THSD7A: variants seen among roughly 807,000 people sequenced by gnomAD.
THSD7A encodes the protein thrombospondin type 1 domain containing 7A.
A neutral mutation model predicts 231.3 loss-of-function variants in THSD7A; 96 were observed. The ratio of observed to expected loss-of-function variants is 0.41; its 90% CI spans 0.35 to 0.49. THSD7A has a LOEUF of 0.49. Among genes scored for constraint, THSD7A ranks in the 20% least tolerant of loss-of-function variants. THSD7A has a pLI of 0.05. For synonymous variants in THSD7A, 940 were observed against 743.3 expected, an observed-to-expected ratio of 1.26 and a Z score of -4.30; for missense variants, 2,290 against 2,070.2, an observed-to-expected ratio of 1.11 and a Z score of -2.06.
At position 11,370,629 on chromosome 7, in the gene THSD7A, A is replaced by G. The variant is rs1782016115; in HGVS notation, c.*5165T>C. ...TTTGTGCGTTAAAAAGGAAATGTAC[A>G]TAATGTAAAATAAATTACATTACGC... On this transcript the variant is annotated 3_prime_UTR_variant, in exon 28 of 28. Coordinates refer to ENST00000423059, the MANE Select transcript of THSD7A (RefSeq NM_015204.3). The G allele has an allele frequency of 6.6e-6, 1 of 152,228 alleles. No individual in the cohort carries two copies. The highest frequency in any genetic ancestry group is 6.5e-5 in the Admixed American group (1 of 15,282). The allele number at this position is 152,228 out of a possible 1,614,324, so 9.4% of individuals were successfully genotyped here.
intron 1 of THSD7A, chr7:11,821,203 T>C (rs575140673): frequency 2.5e-6 from 3 of 1,178,300 alleles, no homozygotes; most frequent in Non-Finnish European, 3.8e-6. Context: ...TTTAACATGG[T>C]GAACAATGGT....
chr7:11,624,014 C>A (rs1274480743), intron 2 of THSD7A, among the ~76,000 whole-genome samples: 1 of 152,178 alleles, frequency 6.6e-6, no homozygotes, highest in Non-Finnish European at 1.5e-5. Flanking sequence ...CCAGCACTAT[C>A]CAAATCATCC....
intron 3 of THSD7A, among the ~76,000 whole-genome samples, chr7:11,591,311 G>T (rs1049531068): frequency 1.3e-5 from 2 of 151,948 alleles, no homozygotes; most frequent in Non-Finnish European, 2.9e-5. Context: ...AAAATGTCAG[G>T]GGATTGTCAG....
chr7:11,794,024 T>A (rs1368083316), intron 1 of THSD7A, among the ~76,000 whole-genome samples: 1 of 151,796 alleles, frequency 6.6e-6, no homozygotes, highest in Non-Finnish European at 1.5e-5. Flanking sequence ...TGTGAAATAA[T>A]GAGGAAAAGT....
intron 16 of THSD7A, among the ~76,000 whole-genome samples, chr7:11,423,099 C>G (rs1361796873): frequency 6.6e-6 from 1 of 152,050 alleles, no homozygotes; most frequent in Non-Finnish European, 1.5e-5. Context: ...ACCTCTCTAC[C>G]TCTTCCCCAT....
chr7:11,427,061 C>G (rs554794487), intron 14 of THSD7A, among the ~76,000 whole-genome samples: 4 of 152,012 alleles, frequency 2.6e-5, no homozygotes, highest in African/African-American at 9.7e-5. Context: ...TTGATCTATC[C>G]GTTGATTTAC....
At chr7:11,460,424 ACTTT>A (rs1194366099) in intron 11 of THSD7A, among the ~76,000 whole-genome samples, 1 of 152,156 alleles carries the variant, frequency 6.6e-6, no homozygotes, top group Non-Finnish European at 1.5e-5. Flanking sequence ...GCTTGGCCTG[ACTTT>A]CTTTCAGACA....
intron 1 of THSD7A, among the ~76,000 whole-genome samples, chr7:11,683,400 A>G (rs897144574): frequency 2.0e-5 from 3 of 151,952 alleles, no homozygotes; most frequent in African/African-American, 7.2e-5. Flanking sequence ...AATAACATTG[A>G]GACCAAAAAA....
chr7:11,449,861 C>T (rs1305599516), intron 11 of THSD7A, among the ~76,000 whole-genome samples: 1 of 151,960 alleles, frequency 6.6e-6, no homozygotes, highest in African/African-American at 2.4e-5. Flanking sequence ...AAACTTTTTA[C>T]TAATCAGGAC....
chr7:11,574,601 A>ATTT (rs78701752), intron 4 of THSD7A, among the ~76,000 whole-genome samples: 1 of 140,032 alleles, frequency 7.1e-6, no homozygotes. Flanking sequence ...CGCCCGGCTA[A>ATTT]TTTTTTTTTT....
At chr7:11,398,272 A>G (rs150191637) in intron 23 of THSD7A, among the ~76,000 whole-genome samples, 2,862 of 152,276 alleles carry the variant, frequency 0.019, 36 homozygotes, top group South Asian at 0.048. Flanking sequence ...CATTCTCAGC[A>G]AACTAACACA....
intron 6 of THSD7A, among the ~76,000 whole-genome samples, chr7:11,484,874 A>ATTTTTTTTTTCTTTTT (rs1786585863): frequency 1.9e-5 from 1 of 53,796 alleles, no homozygotes; most frequent in Non-Finnish European, 3.1e-5. Context: ...CACAACCTTA[A>ATTTTTTTTTTCTTTTT]TTTTTTTTTT....
intron 1 of THSD7A, among the ~76,000 whole-genome samples, chr7:11,684,644 C>A (rs1005769107): frequency 6.6e-6 from 1 of 151,620 alleles, no homozygotes. Context: ...TTAGTCCATA[C>A]AAAAAATATC....
chr7:11,390,971 T>G (rs62438161), intron 23 of THSD7A, among the ~76,000 whole-genome samples: 47 of 152,196 alleles, frequency 3.1e-4, no homozygotes, highest in African/African-American at 1.1e-3. Context: ...TCTGAAAACT[T>G]CATCCCAGAG....
intron 6 of THSD7A, among the ~76,000 whole-genome samples, chr7:11,499,553 A>G (rs1417142861): frequency 6.6e-6 from 1 of 152,202 alleles, no homozygotes; most frequent in African/African-American, 2.4e-5. Context: ...GCAAACCCCA[A>G]TCCAAGGAAA....
intron 4 of THSD7A, among the ~76,000 whole-genome samples, chr7:11,560,852 C>T (rs573847753): frequency 7.2e-5 from 11 of 152,208 alleles, no homozygotes; most frequent in African/African-American, 2.4e-4. Flanking sequence ...CAAGGAATTA[C>T]AAACAAAAGT....
chr7:11,658,372 G>T (rs1456774396), intron 1 of THSD7A, among the ~76,000 whole-genome samples: 1 of 151,786 alleles, frequency 6.6e-6, no homozygotes, highest in African/African-American at 2.4e-5. Context: ...TTTGTCACTT[G>T]CTAATACACT....
intron 1 of THSD7A, among the ~76,000 whole-genome samples, chr7:11,650,455 T>C (rs1240824657): frequency 1.3e-5 from 2 of 152,078 alleles, no homozygotes; most frequent in African/African-American, 4.8e-5. Context: ...AGGAAGCTAC[T>C]ATATTTCCAC....
chr7:11,592,900 C>T (rs776668717), intron 3 of THSD7A, among the ~76,000 whole-genome samples: 10 of 152,010 alleles, frequency 6.6e-5, no homozygotes, highest in Non-Finnish European at 1.2e-4. Flanking sequence ...AACACAGCCA[C>T]GCTCAGTTGT....
Sources: allele counts gnomAD v4.1 joint callset (sites outside exome capture counted in the v4.1 genomes callset), GRCh38; gene constraint gnomAD v4.1.1; transcripts MANE v1.5; gene names NCBI Gene and HGNC (gene_info 2026-07-23, HGNC 2026-07-21).